Variants in TENM3 observed in about 807,000 individuals in gnomAD.
The protein encoded by TENM3 is teneurin transmembrane protein 3.
A neutral mutation model predicts 255.1 loss-of-function variants in TENM3; 63 were observed. The observed-to-expected ratio is 0.25, with a 90% confidence interval of 0.20 to 0.30. The LOEUF (loss-of-function observed/expected upper bound fraction) is 0.30, where lower values mean the gene tolerates loss of function less well. Among genes scored for constraint, TENM3 ranks in the 10% least tolerant of loss-of-function variants. The pLI is 1.00. For synonymous variants in TENM3, 1,306 were observed against 1,322.3 expected (o/e 0.99, Z 0.27); for missense variants, 2,929 against 3,461.1 (o/e 0.85, Z 3.86).
At chr4:182,488,520 C>T (rs1734970746) in intron 3 of TENM3, among the ~76,000 whole-genome samples, 1 of 152,028 alleles carries the variant, frequency 6.6e-6, no homozygotes, top group Non-Finnish European at 1.5e-5. Flanking sequence ...ATGGCCAAAC[C>T]TGGGAATGTC....
At chr4:181,675,269 G>A in the TENM3 span, among the ~76,000 whole-genome samples, 3 of 151,954 alleles carry the variant, frequency 2.0e-5, no homozygotes, top group African/African-American at 7.2e-5. Flanking sequence ...TTTATAAACT[G>A]CATTTCCAAA....
At chr4:182,506,781 C>T (rs1373667693) in intron 3 of TENM3, among the ~76,000 whole-genome samples, 2 of 152,068 alleles carry the variant, frequency 1.3e-5, no homozygotes, top group Admixed American at 6.6e-5. Context: ...GCGCTGTATA[C>T]GAAAACCTTC....
chr4:182,279,003 A>C (rs2150258463), intron 1 of TENM3, among the ~76,000 whole-genome samples: 1 of 152,302 alleles, frequency 6.6e-6, no homozygotes, highest in African/African-American at 2.4e-5. Context: ...GGGATTGCAC[A>C]CCAGGTCGGG....
At chr4:181,709,271 G>A in the TENM3 span, among the ~76,000 whole-genome samples, 1 of 152,168 alleles carries the variant, frequency 6.6e-6, no homozygotes, top group African/African-American at 2.4e-5. Context: ...CCTGCTACAG[G>A]TATTGTTTTG....
chr4:181,696,091 T>C, the TENM3 span, among the ~76,000 whole-genome samples: 1 of 152,302 alleles, frequency 6.6e-6, no homozygotes, highest in South Asian at 2.1e-4. Flanking sequence ...AGACTATTCT[T>C]TGGGCATTTT....
chr4:181,762,014 T>C, the TENM3 span, among the ~76,000 whole-genome samples: 2 of 152,204 alleles, frequency 1.3e-5, no homozygotes, highest in Non-Finnish European at 2.9e-5. Flanking sequence ...GTGGGCTCAC[T>C]GGATGATACG....
At chr4:181,451,487 C>T in the TENM3 span, among the ~76,000 whole-genome samples, 18 of 152,184 alleles carry the variant, frequency 1.2e-4, no homozygotes, top group South Asian at 2.1e-4. Context: ...CTGGTTGATG[C>T]GTGGAGAATA....
chr4:181,704,056 C>T, the TENM3 span, among the ~76,000 whole-genome samples: 7 of 152,244 alleles, frequency 4.6e-5, no homozygotes, highest in Admixed American at 2.0e-4. Flanking sequence ...GAGGTGGATG[C>T]GGTCATTTGG....
the TENM3 span, among the ~76,000 whole-genome samples, chr4:181,864,641 G>A: frequency 6.6e-6 from 1 of 152,130 alleles, no homozygotes; most frequent in Non-Finnish European, 1.5e-5. Flanking sequence ...GCTGAGATAT[G>A]GATCAGAGCC....
chr4:181,991,497 G>A, the TENM3 span, among the ~76,000 whole-genome samples: 2 of 152,190 alleles, frequency 1.3e-5, no homozygotes, highest in Non-Finnish European at 2.9e-5. Context: ...GGAACCTGTC[G>A]CTGTTAAGTA....
At chr4:182,271,713 T>G (rs1207746612) in intron 1 of TENM3, among the ~76,000 whole-genome samples, 1 of 152,340 alleles carries the variant, frequency 6.6e-6, no homozygotes, top group South Asian at 2.1e-4. Context: ...TGTATAACGG[T>G]AATTAATTCT....
intron 3 of TENM3, among the ~76,000 whole-genome samples, chr4:182,454,153 G>A (rs1580604236): frequency 6.6e-6 from 1 of 152,138 alleles, no homozygotes; most frequent in Non-Finnish European, 1.5e-5. Context: ...TCAGTAAAGT[G>A]ACCTTGATGG....
At chr4:182,466,083 A>G (rs17321615) in intron 3 of TENM3, among the ~76,000 whole-genome samples, 4,577 of 152,300 alleles carry the variant, frequency 0.03, 102 homozygotes, top group Middle Eastern at 0.048. Context: ...TCACCAAAGA[A>G]TACATGAAGA....
chr4:182,467,300 T>C (rs1196895112), intron 3 of TENM3, among the ~76,000 whole-genome samples: 3 of 152,118 alleles, frequency 2.0e-5, no homozygotes, highest in Non-Finnish European at 4.4e-5. Context: ...AAAAGAGAAA[T>C]GATATAAGTG....
the TENM3 span, among the ~76,000 whole-genome samples, chr4:181,879,600 GA>G: frequency 2.6e-5 from 4 of 152,182 alleles, no homozygotes; most frequent in East Asian, 7.7e-4. Flanking sequence ...ATTTAAATTT[GA>G]GAAGACATGG....
chr4:182,424,576 A>C (rs564098438), intron 3 of TENM3, among the ~76,000 whole-genome samples: 20 of 152,270 alleles, frequency 1.3e-4, no homozygotes, highest in African/African-American at 4.1e-4. Flanking sequence ...GCACATGTTT[A>C]ATATGAGGAC....
Position 182,613,734 on chromosome 4 carries a change from T to C in TENM3, c.749+12573T>C, listed in dbSNP as rs564162747. On this transcript the variant is annotated intron_variant, in intron 4 of 27. Coordinates refer to ENST00000511685, the MANE Select transcript of TENM3 (RefSeq NM_001080477.4). ...AACATGTTATCATATTCATTGTAAT[T>C]ATAAATGGATACAAAGGCAAATGCC... is the stretch of plus-strand genomic sequence containing the variant. Among the ~76,000 whole-genome samples the C allele has an allele frequency of 1.2e-4, 18 of 152,344 alleles. 1 individual carries two copies. The South Asian group carries it at 3.7e-3, about 32-fold the overall frequency.
At chr4:182,463,491 G>A (rs1302508144) in intron 3 of TENM3, among the ~76,000 whole-genome samples, 3 of 151,198 alleles carry the variant, frequency 2.0e-5, no homozygotes, top group Admixed American at 6.6e-5. Context: ...TTTTTCTTGA[G>A]ATGGAATCTC....
At chr4:182,029,735 T>G in the TENM3 span, among the ~76,000 whole-genome samples, 1 of 152,136 alleles carries the variant, frequency 6.6e-6, no homozygotes, top group Non-Finnish European at 1.5e-5. Flanking sequence ...TGTAAAAGTA[T>G]TTGTATTATC....
Sources: allele counts gnomAD v4.1 joint callset (sites outside exome capture counted in the v4.1 genomes callset), GRCh38; gene constraint gnomAD v4.1.1; transcripts MANE v1.5; gene names NCBI Gene and HGNC (gene_info 2026-07-23, HGNC 2026-07-21).